NDUFAF1: variants seen among roughly 807,000 people sequenced by gnomAD.
NDUFAF1 encodes complex I intermediate-associated protein 30, mitochondrial.
In NDUFAF1, 18 loss-of-function variants were observed where a neutral mutation model predicts 28.7. The observed-to-expected ratio is 0.63, with a 90% confidence interval of 0.43 to 0.93. NDUFAF1 has a LOEUF of 0.93. NDUFAF1 is among the 40% of genes least tolerant of loss of function. The probability of loss-of-function intolerance (pLI) is 0.00; values close to 1 mark genes in which losing one functional copy is unlikely to be tolerated. For missense variants in NDUFAF1, 404 were observed against 398.3 expected (o/e 1.01, Z -0.12); for synonymous variants, 113 against 139.7 (o/e 0.81, Z 1.35).
Position 41,396,821 on chromosome 15 carries a change from A to C in NDUFAF1, c.239T>G (p.Val80Gly). The C allele has an allele frequency of 6.2e-7, 1 of 1,614,164 alleles. No homozygotes were observed. The highest frequency in any genetic ancestry group is 2.2e-5 in the East Asian group (1 of 44,882). The change falls in exon 2 of 5, where the codon GTT becomes GGT. Residue 80 changes from valine (V) to glycine (G), a missense_variant. Val to Gly is a moderately radical substitution (Grantham distance 109). Coordinates refer to ENST00000260361, the MANE Select transcript of NDUFAF1 (RefSeq NM_016013.4). ...ATCTCTAATTGCTTTATCGAAACTA[A>C]CATCAGGCTTCTCCTCAGAAGAAGT... is the stretch of plus-strand genomic sequence containing the variant. ...DITSSEEKPDVSFDKAIRDEA... is the reference protein window; with the variant it reads ...DITSSEEKPDGSFDKAIRDEA...
chr15:41,401,450 T>C (rs530745819), intron 1 of NDUFAF1, among the ~76,000 whole-genome samples: 1 of 151,450 alleles, frequency 6.6e-6, no homozygotes, highest in South Asian at 2.1e-4. Context: ...TTTTTTTTTT[T>C]TTAAGACAGA....
At chr15:41,389,531 G>A (rs1425488633) in intron 3 of NDUFAF1, among the ~76,000 whole-genome samples, 1 of 152,060 alleles carries the variant, frequency 6.6e-6, no homozygotes, top group African/African-American at 2.4e-5. Context: ...AGCACTTTGG[G>A]AGGCCAACAC....
In NDUFAF1 at chr15:41,402,373, C is replaced by T. The variant is rs1406965152; in HGVS notation, c.-311G>A. The T allele has an allele frequency of 4.4e-6, 2 of 453,214 alleles. No homozygotes were observed. The highest frequency in any genetic ancestry group is 4.0e-5 in the African/African-American group (2 of 50,002). The allele number at this position is 453,214 out of a possible 1,614,324, so 28.1% of individuals were successfully genotyped here. ...GTTCGCCGCGCTGGGGAGGCCCCCT[C>T]AACCCTCAAGTGCCAGGGCTCTGTC... On this transcript the variant is annotated 5_prime_UTR_variant, in exon 1 of 5. Coordinates refer to ENST00000260361, the MANE Select transcript of NDUFAF1 (RefSeq NM_016013.4).
intron 3 of NDUFAF1, 35 bp from the exon 4 acceptor site, chr15:41,388,557 T>C (rs749804636): frequency 7.3e-7 from 1 of 1,374,598 alleles, no homozygotes; most frequent in South Asian, 1.2e-5. Flanking sequence ...ATAACTGAAA[T>C]GTAAGCAATT....
chr15:41,394,620 CTTTTT>C (rs35958824), intron 3 of NDUFAF1, among the ~76,000 whole-genome samples: 169 of 55,562 alleles, frequency 3.0e-3, no homozygotes, highest in Non-Finnish European at 3.8e-3. Context: ...ATCTCCAAGA[CTTTTT>C]TTTTTTTTTT....
intron 1 of NDUFAF1, among the ~76,000 whole-genome samples, chr15:41,401,617 G>A (rs1052033007): frequency 6.6e-6 from 1 of 151,176 alleles, no homozygotes; most frequent in Admixed American, 6.6e-5. Flanking sequence ...GTAGAGACAG[G>A]GTTTCACCAT....
intron 1 of NDUFAF1, among the ~76,000 whole-genome samples, chr15:41,397,691 G>C (rs1251846582): frequency 6.6e-6 from 1 of 150,516 alleles, no homozygotes; most frequent in East Asian, 1.9e-4. Flanking sequence ...CCCAGCTACT[G>C]GGGAGGCTGA....
chr15:41,391,994 A>AG (rs2140913078), intron 3 of NDUFAF1, among the ~76,000 whole-genome samples: 1 of 151,070 alleles, frequency 6.6e-6, no homozygotes, highest in East Asian at 1.9e-4. Context: ...AGACAGGAGG[A>AG]GAGATGGAAG....
chr15:41,393,569 C>T (rs983935781), intron 3 of NDUFAF1, among the ~76,000 whole-genome samples: 24 of 150,586 alleles, frequency 1.6e-4, no homozygotes, highest in Non-Finnish European at 2.9e-5. Flanking sequence ...GGATTACAGG[C>T]GTAAGCCACC....
chr15:41,398,353 A>G (rs1046393153), intron 1 of NDUFAF1, among the ~76,000 whole-genome samples: 4 of 151,500 alleles, frequency 2.6e-5, no homozygotes, highest in Non-Finnish European at 4.4e-5. Flanking sequence ...GCGTGGTGGC[A>G]GACGCCTGTA....
At chr15:41,392,856 G>C (rs191361547) in intron 3 of NDUFAF1, among the ~76,000 whole-genome samples, 8 of 152,234 alleles carry the variant, frequency 5.3e-5, no homozygotes, top group Admixed American at 2.6e-4. Flanking sequence ...CTATGCTTCA[G>C]AAAGATAACT....
At chr15:41,393,962 G>A (rs560861834) in intron 3 of NDUFAF1, 1 of 249,752 alleles carries the variant, frequency 4.0e-6, no homozygotes, top group African/African-American at 2.3e-5. Context: ...ACCCACCTTG[G>A]CCTCCCAAAG....
At chr15:41,394,815 G>A (rs774231468) in intron 3 of NDUFAF1, 44 bp downstream of exon 3, 1 of 1,605,094 alleles carries the variant, frequency 6.2e-7, no homozygotes, top group Non-Finnish European at 8.5e-7. Context: ...ACCTCACCCA[G>A]CCAAGACCTC....
chr15:41,387,955 C>CA (rs1206052382), intron 4 of NDUFAF1, among the ~76,000 whole-genome samples: 1 of 152,044 alleles, frequency 6.6e-6, no homozygotes, highest in Non-Finnish European at 1.5e-5. Context: ...ACTAAGAATA[C>CA]AAAGATTAGC....
At chr15:41,402,728 CTTT>C (rs557825524), upstream of NDUFAF1, among the ~76,000 whole-genome samples, 2 of 120,888 alleles carry the variant, frequency 1.7e-5, no homozygotes, top group African/African-American at 3.2e-5. Context: ...ATCCCTGCGT[CTTT>C]TTTTTTTTTT....
chr15:41,402,728 CT>C (rs557825524), upstream of NDUFAF1, among the ~76,000 whole-genome samples: 4,533 of 120,848 alleles, frequency 0.038, 128 homozygotes, highest in African/African-American at 0.13. Context: ...ATCCCTGCGT[CT>C]TTTTTTTTTT....
intron 3 of NDUFAF1, among the ~76,000 whole-genome samples, chr15:41,391,098 T>C (rs1482784971): frequency 6.6e-6 from 1 of 152,090 alleles, no homozygotes; most frequent in Non-Finnish European, 1.5e-5. Flanking sequence ...AAGATTTTTT[T>C]CTGTACTTCC....
chr15:41,390,912 G>A (rs1254460969), intron 3 of NDUFAF1, among the ~76,000 whole-genome samples: 1 of 151,674 alleles, frequency 6.6e-6, no homozygotes, highest in Non-Finnish European at 1.5e-5. Context: ...GGCACCTGCA[G>A]TCCCAGCTAC....
chr15:41,395,048 A>G lies in NDUFAF1; in HGVS notation c.574-4T>C. 6.2e-7 allele frequency: 1 copy of G among 1,613,296 alleles called. No individual in the cohort carries two copies. The highest frequency in any genetic ancestry group is 8.5e-7 in the Non-Finnish European group (1 of 1,179,550). On this transcript the variant is annotated splice_region_variant and splice_polypyrimidine_tract_variant and intron_variant, in intron 2 of 4. Coordinates refer to ENST00000260361, the MANE Select transcript of NDUFAF1 (RefSeq NM_016013.4). ...ACATCTTCCTCTCAAAAGCACCCTAAGATATTGAAAGTAAAGTTCATTGTA... is the reference window on the plus strand; with the variant it reads ...ACATCTTCCTCTCAAAAGCACCCTAGGATATTGAAAGTAAAGTTCATTGTA...
Sources: gnomAD v4.1 joint callset for allele counts (sites outside exome capture counted in the v4.1 genomes callset) on GRCh38, gnomAD v4.1.1 for gene constraint, MANE v1.5 for transcripts, NCBI Gene and HGNC (gene_info 2026-07-23, HGNC 2026-07-21) for gene names.